YTHDF2: variants seen among roughly 807,000 people sequenced by gnomAD.
YTHDF2 encodes the protein YTH N6-methyladenosine RNA binding protein F2.
A neutral mutation model predicts 50.4 loss-of-function variants in YTHDF2; 2 were observed. That is an observed-to-expected ratio of 0.04 (90% CI 0.02 to 0.12). YTHDF2 has a LOEUF of 0.12. YTHDF2 is among the 10% of genes least tolerant of loss of function. The pLI is 1.00. For synonymous variants in YTHDF2, 217 were observed against 255.6 expected (o/e 0.85, Z 1.44); for missense variants, 483 against 722.6 (o/e 0.67, Z 3.80).
At chr1:28,751,727 G>A (rs1016024623) in intron 4 of YTHDF2, among the ~76,000 whole-genome samples, 3 of 152,194 alleles carry the variant, frequency 2.0e-5, no homozygotes, top group East Asian at 1.9e-4. Flanking sequence ...GAGAAACAAG[G>A]CACCATCTTT....
intron 4 of YTHDF2, among the ~76,000 whole-genome samples, chr1:28,765,782 T>G (rs2088206848): frequency 2.6e-5 from 4 of 152,188 alleles, no homozygotes. Flanking sequence ...TCTTCCACAT[T>G]TTGCCACATT....
intron 4 of YTHDF2, among the ~76,000 whole-genome samples, chr1:28,767,283 T>C (rs1470463282): frequency 2.0e-5 from 3 of 152,158 alleles, no homozygotes; most frequent in Non-Finnish European, 1.5e-5. Flanking sequence ...CTGTAGTAAA[T>C]ATAATTGCAT....
At chr1:28,758,676 A>G (rs942397573) in intron 4 of YTHDF2, among the ~76,000 whole-genome samples, 2 of 152,182 alleles carry the variant, frequency 1.3e-5, no homozygotes, top group Non-Finnish European at 1.5e-5. Flanking sequence ...GTTTTAGTCT[A>G]CCCCACTGTC....
intron 4 of YTHDF2, among the ~76,000 whole-genome samples, chr1:28,747,700 G>A (rs2087886470): frequency 6.7e-6 from 1 of 149,664 alleles, no homozygotes; most frequent in Non-Finnish European, 1.5e-5. Context: ...TTACAGGCGT[G>A]AGCCACCACG....
At chr1:28,768,394 G>GC (rs2088252563) in intron 4 of YTHDF2, among the ~76,000 whole-genome samples, 1 of 145,056 alleles carries the variant, frequency 6.9e-6, no homozygotes, top group South Asian at 2.2e-4. Flanking sequence ...GTGTGGGTTT[G>GC]TTTTTTTTTT....
In YTHDF2 at chr1:28,743,708, A is replaced by G; in HGVS notation, c.1438A>G (p.Asn480Asp). Residue 480 changes from asparagine to aspartate, a missense_variant, in exon 4 of 5, where the codon AAC (asparagine) becomes GAC (aspartate). Coordinates refer to ENST00000373812, the MANE Select transcript of YTHDF2 (RefSeq NM_016258.3). The surrounding 1 kb of genome is among the most constrained non-coding windows in gnomAD (Gnocchi z 6.9). Reference sequence around the variant, plus strand: ...AGAAATGAAATCTGCTGTGGACTACAACACATGTGCAGGTGTGTGGTCCCA... The same window carrying G: ...AGAAATGAAATCTGCTGTGGACTACGACACATGTGCAGGTGTGTGGTCCCA... ...VAEMKSAVDYNTCAGVWSQDK... is the reference protein window; with the variant it reads ...VAEMKSAVDYDTCAGVWSQDK... 1.9e-6 allele frequency: 3 copies of G among 1,614,204 alleles called. No individual in the cohort carries two copies. The highest frequency in any genetic ancestry group is 1.3e-5 in the African/African-American group (1 of 75,050).
chr1:28,747,182 C>G (rs115399486), intron 4 of YTHDF2, among the ~76,000 whole-genome samples: 1 of 152,138 alleles, frequency 6.6e-6, no homozygotes, highest in Non-Finnish European at 1.5e-5. Context: ...GTGTAAGATT[C>G]GTTTGTTGGA....
intron 4 of YTHDF2, among the ~76,000 whole-genome samples, chr1:28,757,265 G>T (rs1157381016): frequency 6.6e-6 from 1 of 152,184 alleles, no homozygotes; most frequent in African/African-American, 2.4e-5. Flanking sequence ...TAGAAAAATA[G>T]CAAAATCAGT....
chr1:28,757,856 CTCTTTT>C (rs1188851273), intron 4 of YTHDF2, among the ~76,000 whole-genome samples: 1 of 151,960 alleles, frequency 6.6e-6, no homozygotes, highest in Non-Finnish European at 1.5e-5. Context: ...TCATTTCATC[CTCTTTT>C]TCTTAGTGCT....
At chr1:28,744,352 G>A (rs543154110) in intron 4 of YTHDF2, among the ~76,000 whole-genome samples, 1 of 152,320 alleles carries the variant, frequency 6.6e-6, no homozygotes, top group Admixed American at 6.5e-5. Flanking sequence ...ATATGGCAGA[G>A]AAAAATCGAA....
chr1:28,738,058 G>C (rs1459754767), intron 2 of YTHDF2, among the ~76,000 whole-genome samples: 1 of 152,152 alleles, frequency 6.6e-6, no homozygotes, highest in African/African-American at 2.4e-5. Flanking sequence ...GACCTTTTTA[G>C]ATCAACTTGC....
In YTHDF2 at chr1:28,737,136, C is replaced by G. The variant is rs199887916; in HGVS notation, c.16C>G (p.Leu6Val). 3.8e-4 allele frequency: 602 copies of G among 1,600,656 alleles called. 1 individual carries two copies. Among genetic ancestry groups the G allele is most frequent in the Non-Finnish European group, 4.4e-4 (516 of 1,175,572 alleles). Residue 6 changes from leucine (L) to valine (V), a missense_variant, in exon 1 of 5, where the codon CTC (leucine) becomes GTC (valine). Coordinates refer to ENST00000373812, the MANE Select transcript of YTHDF2 (RefSeq NM_016258.3). MSASS[L>V]LEQRPKGQGN... ...TCTGAGAGCCATGTCGGCCAGCAGC[C>G]TCTTGGAGCAGGTACAGGCCCGGCC...
intron 4 of YTHDF2, among the ~76,000 whole-genome samples, chr1:28,764,871 G>T (rs992168715): frequency 6.1e-5 from 9 of 148,004 alleles, no homozygotes; most frequent in Middle Eastern, 3.4e-3. Flanking sequence ...TTTGTTTTTT[G>T]TTTTTTTTTT....
chr1:28,737,515 A>G, intron 1 of YTHDF2, 143 bp from the exon 2 acceptor site: 2 of 1,137,498 alleles, frequency 1.8e-6, no homozygotes, highest in African/African-American at 1.6e-5. Flanking sequence ...TCCCATTTTC[A>G]GCCTCTTCCT....
At chr1:28,758,969 A>G (rs1021609247) in intron 4 of YTHDF2, among the ~76,000 whole-genome samples, 14 of 152,312 alleles carry the variant, frequency 9.2e-5, no homozygotes, top group African/African-American at 3.4e-4. Context: ...TACAGACTTA[A>G]CTGAATTAGA....
At chr1:28,744,291 G>A (rs2087826289) in intron 4 of YTHDF2, among the ~76,000 whole-genome samples, 1 of 152,178 alleles carries the variant, frequency 6.6e-6, no homozygotes, top group Non-Finnish European at 1.5e-5. Context: ...ATGCAGAGGG[G>A]TAATGGAAGT....
chr1:28,761,872 G>T (rs1028860034), intron 4 of YTHDF2, among the ~76,000 whole-genome samples: 1 of 152,088 alleles, frequency 6.6e-6, no homozygotes, highest in Non-Finnish European at 1.5e-5. Flanking sequence ...TTATAGCCTT[G>T]CTTTAAATTG....
At chr1:28,738,416 T>A (rs2087728015) in intron 3 of YTHDF2, 78 bp downstream of exon 3, 2 of 1,217,020 alleles carry the variant, frequency 1.6e-6, no homozygotes, top group Non-Finnish European at 2.4e-6. Flanking sequence ...TAAATCCCAT[T>A]TTCTGAGGAT....
intron 4 of YTHDF2, among the ~76,000 whole-genome samples, chr1:28,750,091 A>G (rs577611383): frequency 1.4e-5 from 2 of 147,754 alleles, no homozygotes; most frequent in African/African-American, 5.0e-5. Context: ...CCCAGGTTCA[A>G]GCGATTCTCC....
Sources: gnomAD v4.1 joint callset for allele counts (sites outside exome capture counted in the v4.1 genomes callset) on GRCh38, gnomAD v4.1.1 for gene constraint, Gnocchi (gnomAD v3.1) non-coding constraint, MANE v1.5 for transcripts, NCBI Gene and HGNC (gene_info 2026-07-23, HGNC 2026-07-21) for gene names.